The following TBCD variants were observed in gnomAD, a reference collection of about 807,000 sequenced individuals.
The protein encoded by TBCD is tubulin folding cofactor D.
In TBCD, 105 loss-of-function variants were observed where a neutral mutation model predicts 169.3. That is an observed-to-expected ratio of 0.62 (90% CI 0.53 to 0.73). TBCD has a LOEUF of 0.73. Among genes scored for constraint, TBCD ranks in the 30% least tolerant of loss-of-function variants. The pLI is 0.00. For synonymous variants in TBCD, 700 were observed against 643.9 expected (o/e 1.09, Z -1.32); for missense variants, 1,444 against 1,600.1 (o/e 0.90, Z 1.66).
At chr17:82,932,999 T>TC (rs1185197222) in intron 34 of TBCD, 2 of 484,784 alleles carry the variant, frequency 4.1e-6, no homozygotes, top group African/African-American at 4.0e-5. Context: ...CTGTGCACTC[T>TC]CCCCCCAGCT....
intron 19 of TBCD, among the ~76,000 whole-genome samples, chr17:82,904,227 C>T (rs2060078030): frequency 6.8e-6 from 1 of 146,672 alleles, no homozygotes; most frequent in Non-Finnish European, 1.5e-5. Context: ...ACTCCTTGGT[C>T]TCTAGGTGGC....
chr17:82,813,308 C>T (rs1286591359), intron 12 of TBCD, among the ~76,000 whole-genome samples: 5 of 152,152 alleles, frequency 3.3e-5, no homozygotes, highest in Non-Finnish European at 5.9e-5. Context: ...GCTCATCCGC[C>T]CACTCATAGC....
intron 33 of TBCD, chr17:82,932,219 T>C (rs1399256133): frequency 3.8e-6 from 1 of 263,326 alleles, no homozygotes; most frequent in Non-Finnish European, 7.4e-6. Flanking sequence ...TTTTGGGTTG[T>C]GTATTTAGAC....
intron 12 of TBCD, among the ~76,000 whole-genome samples, chr17:82,810,017 T>C (rs2051309152): frequency 6.6e-6 from 1 of 152,340 alleles, no homozygotes; most frequent in South Asian, 2.1e-4. Context: ...TTTAGACATA[T>C]ACCCATGTAG....
intron 13 of TBCD, chr17:82,858,490 G>T (rs145126553): frequency 7.2e-6 from 6 of 831,790 alleles, no homozygotes; most frequent in Non-Finnish European, 8.7e-6. Flanking sequence ...AGTCTGGCTG[G>T]GCAGTTCTAC....
At chr17:82,822,969 A>G (rs2052533809) in intron 13 of TBCD, among the ~76,000 whole-genome samples, 1 of 152,196 alleles carries the variant, frequency 6.6e-6, no homozygotes, top group South Asian at 2.1e-4. Context: ...GGGAGGAAGC[A>G]GCCGACATGG....
Position 82,831,242 on chromosome 17 carries a change from C to G in TBCD, c.1318+16308C>G. Reference sequence around the variant, plus strand: ...CCTGGGGAGCCCGTGGCTGCACTCCCTGCGCGGGGGCTCATTTTGGACCCT... The same window carrying G: ...CCTGGGGAGCCCGTGGCTGCACTCCGTGCGCGGGGGCTCATTTTGGACCCT... On this transcript the variant is annotated intron_variant, in intron 13 of 38. Coordinates refer to ENST00000355528, the MANE Select transcript of TBCD (RefSeq NM_005993.5). This position sits in a 1 kb window ranked among gnomAD's most constrained non-coding sequence, Gnocchi z 4.6. 1.9e-6 allele frequency: 3 copies of G among 1,613,976 alleles called. No homozygotes were observed. Among genetic ancestry groups the G allele is most frequent in the Non-Finnish European group, 2.5e-6 (3 of 1,180,046 alleles).
chr17:82,872,892 ACGG>A (rs1399558164), intron 14 of TBCD, among the ~76,000 whole-genome samples: 1 of 118,498 alleles, frequency 8.4e-6, no homozygotes, highest in African/African-American at 3.4e-5. Flanking sequence ...CTGGTGGCCG[ACGG>A]CTTCTGAGCC....
At chr17:82,939,015 A>AGGTTGGTTAATAGATAGCG (rs2062890011) in intron 36 of TBCD, 1 of 212,788 alleles carries the variant, frequency 4.7e-6, no homozygotes, top group Non-Finnish European at 8.7e-6. Context: ...GGTTAATAGC[A>AGGTTGGTTAATAGATAGCG]GGCGAGATTG....
At chr17:82,875,790 A>G (rs1307636180) in intron 14 of TBCD, among the ~76,000 whole-genome samples, 2 of 152,204 alleles carry the variant, frequency 1.3e-5, no homozygotes, top group Non-Finnish European at 2.9e-5. Flanking sequence ...TTAAGTGGCC[A>G]TTACCGAGCA....
At chr17:82,873,943 G>T (rs2057784159) in intron 14 of TBCD, among the ~76,000 whole-genome samples, 1 of 152,222 alleles carries the variant, frequency 6.6e-6, no homozygotes, top group Non-Finnish European at 1.5e-5. Flanking sequence ...TTGCTCCAGG[G>T]TCATCTTTCT....
At chr17:82,897,391 C>T (rs768857625) in intron 17 of TBCD, among the ~76,000 whole-genome samples, 119 of 151,710 alleles carry the variant, frequency 7.8e-4, no homozygotes, top group South Asian at 2.1e-3. Flanking sequence ...GGTGGCGCAC[C>T]CCTGTAATCC....
At chr17:82,857,503 C>CTG (rs2056409126) in intron 13 of TBCD, among the ~76,000 whole-genome samples, 1 of 151,930 alleles carries the variant, frequency 6.6e-6, no homozygotes. Context: ...CAGTTCTTTT[C>CTG]TGTGTGTGTG....
chr17:82,923,443 G>T lies in TBCD; in HGVS notation c.2179-209G>T, dbSNP rs2061536381. Among the ~76,000 whole-genome samples, 3 of 151,640 alleles carry T rather than the reference G, an allele frequency of 2.0e-5. No individual in the cohort carries two copies. In the South Asian group the frequency reaches 6.3e-4, roughly 32 times the overall value. On this transcript the variant is annotated intron_variant, in intron 25 of 38. Coordinates refer to ENST00000355528, the MANE Select transcript of TBCD (RefSeq NM_005993.5). This position sits in a 1 kb window ranked among gnomAD's most constrained non-coding sequence, Gnocchi z 4.6. ...GGTCAGGTCCTTCTCTGACCTCAAGGGTGACCTGCTGTGTCCTTGGCCGGG... is the reference window on the plus strand; with the variant it reads ...GGTCAGGTCCTTCTCTGACCTCAAGTGTGACCTGCTGTGTCCTTGGCCGGG...
At chr17:82,847,331 C>T (rs189627492) in intron 13 of TBCD, among the ~76,000 whole-genome samples, 5 of 122,292 alleles carry the variant, frequency 4.1e-5, no homozygotes, top group Admixed American at 3.1e-4. Flanking sequence ...CCAGCCTGGG[C>T]AACAGAGCGA....
At chr17:82,786,976 C>G (rs1455913410) in intron 7 of TBCD, among the ~76,000 whole-genome samples, 3 of 152,146 alleles carry the variant, frequency 2.0e-5, no homozygotes, top group Non-Finnish European at 1.5e-5. Flanking sequence ...GCCCCATTCC[C>G]CTCCTAGCTG....
At chr17:82,811,014 G>C (rs2051397727) in intron 12 of TBCD, among the ~76,000 whole-genome samples, 1 of 152,222 alleles carries the variant, frequency 6.6e-6, no homozygotes. Flanking sequence ...TCTTCCAGTG[G>C]AAACATTGCT....
Position 82,938,007 on chromosome 17 carries a change from G to A in TBCD, c.3282-42G>A, listed in dbSNP as rs768849828. The A allele has an allele frequency of 8.1e-6, 13 of 1,608,456 alleles. 1 individual carries two copies. The highest frequency in any genetic ancestry group is 4.4e-5 in the South Asian group (4 of 90,368). On this transcript the variant is annotated intron_variant, in intron 35 of 38. Coordinates refer to ENST00000355528, the MANE Select transcript of TBCD (RefSeq NM_005993.5). The stretch of plus-strand genomic sequence containing the variant: ...CCGGGGTTTGCTGGGGTTGGCCTGC[G>A]CGGGGTGGGGCTCACCTGGAGCCAT...
chr17:82,877,020 T>C (rs2058023999), intron 14 of TBCD: 1 of 970,352 alleles, frequency 1.0e-6, no homozygotes, highest in East Asian at 1.1e-4. Context: ...TTCTCTTTTT[T>C]CCATTCTTTC....
Sources: gnomAD v4.1 joint callset for allele counts (sites outside exome capture counted in the v4.1 genomes callset) on GRCh38, gnomAD v4.1.1 for gene constraint, Gnocchi (gnomAD v3.1) non-coding constraint, MANE v1.5 for transcripts, NCBI Gene and HGNC (gene_info 2026-07-23, HGNC 2026-07-21) for gene names.